Variants in SH3D19 observed in about 807,000 individuals in gnomAD.
SH3D19 encodes SH3 domain containing 19.
Under a neutral mutation model 112.1 loss-of-function variants are expected in SH3D19, and 58 were observed. The ratio of observed to expected loss-of-function variants is 0.52; its 90% CI spans 0.42 to 0.64. The LOEUF is 0.64. Among genes scored for constraint, SH3D19 ranks in the 30% least tolerant of loss-of-function variants. SH3D19 has a pLI of 0.00. For missense variants in SH3D19, 1,090 were observed against 1,263.4 expected (o/e 0.86, Z 2.08); for synonymous variants, 391 against 448.5 (o/e 0.87, Z 1.62).
In SH3D19 at chr4:151,221,536, T is replaced by A. The variant is rs77531869; in HGVS notation, c.152+4511A>T. The stretch of plus-strand genomic sequence containing the variant: ...TATAGGGCATCACTCCTTGCTGTTG[T>A]AACACACAGATCCAATAATAGTCGT... On this transcript the variant is annotated intron_variant, in intron 2 of 19. Transcript: ENST00000604030. Among the ~76,000 whole-genome samples the A allele has an allele frequency of 6.8e-3, 1,035 of 152,316 alleles. 8 individuals carry two copies. The highest frequency in any genetic ancestry group is 0.024 in the African/African-American group (999 of 41,562).
At chr4:151,169,004 T>C (rs1758581048) in intron 7 of SH3D19, among the ~76,000 whole-genome samples, 1 of 151,520 alleles carries the variant, frequency 6.6e-6, no homozygotes, top group Non-Finnish European at 1.5e-5. Context: ...GGGCTGAACA[T>C]AGGGGGCATC....
chr4:151,208,867 C>T (rs113986821), intron 2 of SH3D19, among the ~76,000 whole-genome samples: 19 of 149,852 alleles, frequency 1.3e-4, no homozygotes, highest in African/African-American at 2.7e-4. Context: ...TTAGTAGAGA[C>T]GGGGTTTCAC....
rs1752157991 is a variant in SH3D19 at position 151,137,753 on chromosome 4, A to C, written c.2406T>G (p.Pro802=). ...TTACAATCACTTTGACATAGTTGGC[A>C]GGAAATATGCCAATCTGGTTTCTAC... ...GNCRNQIGIF[P]ANYVKVIIDI... is the part of the protein sequence containing the mutation. The change falls in exon 14 of 20, where the codon CCT becomes CCG. Residue 802 remains proline, a synonymous_variant. Coordinates refer to ENST00000604030, the MANE Select transcript of SH3D19 (RefSeq NM_001378122.1). 2.5e-6 allele frequency: 4 copies of C among 1,603,488 alleles called. No homozygotes were observed. Among genetic ancestry groups the C allele is most frequent in the Non-Finnish European group, 3.4e-6 (4 of 1,176,204 alleles).
chr4:151,256,843 C>A (rs998994063), intron 1 of SH3D19, among the ~76,000 whole-genome samples: 1 of 151,902 alleles, frequency 6.6e-6, no homozygotes, highest in Non-Finnish European at 1.5e-5. Flanking sequence ...TGGGTTCAAG[C>A]GATTCTCCTG....
rs1333092052 is a variant in SH3D19, at chr4:151,148,000, C to A, written c.2004G>T (p.Lys668Asn). The A allele has an allele frequency of 1.9e-6, 3 of 1,614,028 alleles. No homozygotes were observed. In the African/African-American group the frequency reaches 4.0e-5, roughly 22 times the overall value. ...GATCTTGATTTTTAAAAACTTGACT[C>A]TTGGCTTTTGAGAGTCCAGTTGCCA... ...SNLATGLSKAKSQVFKNQDPV... is the reference protein window; with the variant it reads ...SNLATGLSKANSQVFKNQDPV... Residue 668 changes from lysine to asparagine, a missense_variant, in exon 11 of 20, where the codon AAG becomes AAT. By Grantham distance (94) the Lys-to-Asn change is moderately conservative. Coordinates refer to ENST00000604030, the MANE Select transcript of SH3D19 (RefSeq NM_001378122.1).
intron 1 of SH3D19, among the ~76,000 whole-genome samples, chr4:151,268,030 T>A (rs146490267): frequency 5.1e-4 from 78 of 152,294 alleles, no homozygotes; most frequent in African/African-American, 1.8e-3. Flanking sequence ...TGGAGATCCG[T>A]CCTGAGAAAT....
intron 2 of SH3D19, among the ~76,000 whole-genome samples, chr4:151,195,607 C>T (rs1397218169): frequency 6.6e-6 from 1 of 151,548 alleles, no homozygotes; most frequent in East Asian, 1.9e-4. Flanking sequence ...AAAATTAGAA[C>T]ATTTATATAT....
At chr4:151,253,693 A>G (rs1771583147) in intron 1 of SH3D19, among the ~76,000 whole-genome samples, 1 of 152,078 alleles carries the variant, frequency 6.6e-6, no homozygotes, top group Non-Finnish European at 1.5e-5. Context: ...GTAAGCCGAA[A>G]TCGCACCACT....
intron 2 of SH3D19, among the ~76,000 whole-genome samples, chr4:151,212,112 C>T (rs1302494758): frequency 2.6e-5 from 4 of 152,224 alleles, no homozygotes; most frequent in Non-Finnish European, 4.4e-5. Flanking sequence ...GCTAATGCAG[C>T]TGATGACTTT....
intron 1 of SH3D19, chr4:151,290,997 G>A: frequency 1.5e-6 from 1 of 676,268 alleles, no homozygotes; most frequent in Non-Finnish European, 2.5e-6. Context: ...CCAGCCCCCT[G>A]CAGGGTTCCA....
chr4:151,236,976 C>G (rs1314693211), intron 1 of SH3D19, among the ~76,000 whole-genome samples: 1 of 152,194 alleles, frequency 6.6e-6, no homozygotes, highest in Admixed American at 6.5e-5. Flanking sequence ...AAGCAGGCCA[C>G]CCAAGCCAGC....
At chr4:151,207,704 C>G (rs1056695320) in intron 2 of SH3D19, among the ~76,000 whole-genome samples, 12 of 152,304 alleles carry the variant, frequency 7.9e-5, no homozygotes, top group Admixed American at 3.9e-4. Flanking sequence ...AGGGATAGCA[C>G]AAATGTATAA....
rs373552492 is a variant in SH3D19, at chr4:151,222,962, C to T, written c.152+3085G>A. On this transcript the variant is annotated intron_variant, in intron 2 of 19. Transcript: ENST00000604030. ...GATTACAGGTGTGAGCCAACGCGCC[C>T]GGCCTCTTTGGTCTCTTGTTACCTG... Among the ~76,000 whole-genome samples the T allele has an allele frequency of 6.9e-4, 105 of 151,206 alleles. 1 individual carries two copies. The highest frequency in any genetic ancestry group is 1.4e-3 in the Non-Finnish European group (92 of 67,890).
rs17027414 is a variant in SH3D19 at position 151,228,065 on chromosome 4, A to G, written c.113-1979T>C. The G allele has an allele frequency of 1.8e-3, 1,790 of 984,446 alleles. 28 individuals carry two copies. The African/African-American group carries it at 0.029, about 16-fold the overall frequency. 61.0% of individuals were successfully genotyped at this position (984,446 alleles called of 1,614,324 possible). A position where few individuals can be genotyped will look rare whatever the true frequency, so the allele number is the denominator to read the frequency against. ...CCTTCGTTCTTGGTTAAAACAGGAA[A>G]TTCTACAGTCATTTTTATACTTTCT... On this transcript the variant is annotated intron_variant, in intron 1 of 19. Transcript: ENST00000604030.
intron 1 of SH3D19, among the ~76,000 whole-genome samples, chr4:151,301,915 G>A (rs1476454732): frequency 1.3e-5 from 2 of 152,136 alleles, no homozygotes; most frequent in Non-Finnish European, 2.9e-5. Context: ...TTATTTGCAA[G>A]GAGTTTATGA....
chr4:151,301,028 G>T (rs1267908138), intron 1 of SH3D19, among the ~76,000 whole-genome samples: 1 of 152,214 alleles, frequency 6.6e-6, no homozygotes, highest in Non-Finnish European at 1.5e-5. Flanking sequence ...CCTTGGCACA[G>T]AAATAGTTTA....
chr4:151,287,873 C>A (rs1774967780), intron 1 of SH3D19, among the ~76,000 whole-genome samples: 1 of 151,976 alleles, frequency 6.6e-6, no homozygotes, highest in African/African-American at 2.4e-5. Context: ...AAGTGAGACC[C>A]CTCTCTCTTT....
At chr4:151,122,669 G>A (rs776894266) in intron 19 of SH3D19, among the ~76,000 whole-genome samples, 5 of 152,026 alleles carry the variant, frequency 3.3e-5, no homozygotes, top group Non-Finnish European at 7.4e-5. Flanking sequence ...AACTCATTAG[G>A]GCCATCAAGG....
At chr4:151,313,087 C>CAAAAAAAAA (rs571941454) in intron 1 of SH3D19, among the ~76,000 whole-genome samples, 6 of 98,824 alleles carry the variant, frequency 6.1e-5, no homozygotes, top group African/African-American at 1.6e-4. Flanking sequence ...GACTCTGTCT[C>CAAAAAAAAA]AAAAAAAAAA....
Sources: allele counts gnomAD v4.1 joint callset (sites outside exome capture counted in the v4.1 genomes callset), GRCh38; gene constraint gnomAD v4.1.1; transcripts MANE v1.5; gene names NCBI Gene and HGNC (gene_info 2026-07-23, HGNC 2026-07-21).